Variants in MAGI2 observed in about 807,000 individuals in gnomAD.
MAGI2 encodes the protein membrane-associated guanylate kinase, WW and PDZ domain-containing protein 2.
In MAGI2, 35 loss-of-function variants were observed where a neutral mutation model predicts 133.3. The observed-to-expected ratio is 0.26, with a 90% CI of 0.20 to 0.35. The LOEUF is 0.35. Ranked by LOEUF, MAGI2 falls within the 10% of genes least tolerant of loss-of-function variation. MAGI2 has a pLI of 1.00. For missense variants in MAGI2, 1,636 were observed against 1,863.4 expected (o/e 0.88, Z 2.25); for synonymous variants, 729 against 710.6 (o/e 1.03, Z -0.41).
At chr7:78,462,443 T>C (rs371822046) in intron 6 of MAGI2, among the ~76,000 whole-genome samples, 8 of 152,198 alleles carry the variant, frequency 5.3e-5, no homozygotes, top group East Asian at 3.8e-4. Context: ...AACAGGACTT[T>C]AAAATCTAAC....
At chr7:78,940,937 T>G (rs1201670952) in intron 2 of MAGI2, 1 of 152,194 alleles carries the variant, frequency 6.6e-6, no homozygotes, top group African/African-American at 2.4e-5. Context: ...TGTGTCTTCA[T>G]TCGTACATAG....
intron 17 of MAGI2, 75 bp downstream of exon 17, chr7:78,134,946 C>A: frequency 7.4e-7 from 1 of 1,352,686 alleles, no homozygotes; most frequent in South Asian, 1.3e-5. Context: ...GCGACCCTGG[C>A]GGGCAGGCTG....
chr7:78,967,464 C>G (rs1383377085), intron 2 of MAGI2, among the ~76,000 whole-genome samples: 1 of 151,950 alleles, frequency 6.6e-6, no homozygotes, highest in Non-Finnish European at 1.5e-5. Flanking sequence ...GTCCACTTGT[C>G]TATTTTTGTT....
intron 1 of MAGI2, among the ~76,000 whole-genome samples, chr7:79,053,711 T>C (rs1236083231): frequency 6.6e-6 from 1 of 152,146 alleles, no homozygotes; most frequent in Non-Finnish European, 1.5e-5. Flanking sequence ...CAGACTTCCA[T>C]AATAATTGAA....
At chr7:79,262,121 C>T (rs1382375573) in intron 1 of MAGI2, among the ~76,000 whole-genome samples, 1 of 152,146 alleles carries the variant, frequency 6.6e-6, no homozygotes, top group Admixed American at 6.5e-5. Flanking sequence ...CTTTAAAATA[C>T]CTGTCTGTAA....
At chr7:78,328,221 TA>T (rs1179647922) in intron 9 of MAGI2, among the ~76,000 whole-genome samples, 5 of 151,654 alleles carry the variant, frequency 3.3e-5, no homozygotes, top group African/African-American at 4.8e-5. Flanking sequence ...TGCATTTTGT[TA>T]AAAAAAACCC....
chr7:78,774,138 G>T (rs780535320), intron 2 of MAGI2, among the ~76,000 whole-genome samples: 6 of 152,124 alleles, frequency 3.9e-5, no homozygotes, highest in African/African-American at 7.2e-5. Flanking sequence ...CCAATCAAAT[G>T]CAGGCCACCT....
chr7:79,375,995 T>C (rs1016374672), intron 1 of MAGI2, among the ~76,000 whole-genome samples: 3 of 151,950 alleles, frequency 2.0e-5, no homozygotes, highest in Non-Finnish European at 4.4e-5. Flanking sequence ...GATTCTTTTA[T>C]ATAGGTTAAC....
intron 1 of MAGI2, among the ~76,000 whole-genome samples, chr7:79,244,776 G>A (rs1460170323): frequency 6.6e-6 from 1 of 152,134 alleles, no homozygotes; most frequent in East Asian, 1.9e-4. Flanking sequence ...ACCAGCTGGG[G>A]TGACCAAAAG....
chr7:79,350,316 A>T (rs1029186598), intron 1 of MAGI2, among the ~76,000 whole-genome samples: 2 of 152,144 alleles, frequency 1.3e-5, no homozygotes, highest in African/African-American at 4.8e-5. Flanking sequence ...TAATGATACA[A>T]CAGTTTTTAG....
intron 10 of MAGI2, among the ~76,000 whole-genome samples, chr7:78,249,917 C>T (rs1342718684): frequency 2.6e-5 from 4 of 152,000 alleles, no homozygotes; most frequent in African/African-American, 9.7e-5. Flanking sequence ...TGATTTGATA[C>T]TTATACAGCA....
intron 20 of MAGI2, among the ~76,000 whole-genome samples, chr7:78,100,699 G>T (rs1818135206): frequency 6.6e-6 from 1 of 152,070 alleles, no homozygotes; most frequent in Non-Finnish European, 1.5e-5. Flanking sequence ...TGTTAGATGT[G>T]TGCTTGCTAT....
In MAGI2 at chr7:78,668,308, A is replaced by G. The variant is rs574139637; in HGVS notation, c.419-41069T>C. Among the ~76,000 whole-genome samples, 32 of 151,310 alleles carry G rather than the reference A, an allele frequency of 2.1e-4. No individual in the cohort carries two copies. The East Asian group carries it at 6.0e-3, about 28-fold the overall frequency. On this transcript the variant is annotated intron_variant, in intron 2 of 21. Coordinates refer to ENST00000354212, the MANE Select transcript of MAGI2 (RefSeq NM_012301.4). ...CTGGATATTAGCCCTCTGTCAGATGAGTAGGTTGTGAAAATTTTCTCCCAT... is the reference window on the plus strand; with the variant it reads ...CTGGATATTAGCCCTCTGTCAGATGGGTAGGTTGTGAAAATTTTCTCCCAT...
intron 1 of MAGI2, chr7:79,176,901 C>T (rs1453252530): frequency 1.3e-5 from 2 of 151,894 alleles, no homozygotes; most frequent in African/African-American, 4.8e-5. Context: ...CCATGTGTCC[C>T]CCTCACTCTG....
At chr7:78,219,248 T>C (rs1788568459) in intron 10 of MAGI2, among the ~76,000 whole-genome samples, 1 of 152,228 alleles carries the variant, frequency 6.6e-6, no homozygotes, top group South Asian at 2.1e-4. Flanking sequence ...GCTGTGTTTC[T>C]AAGCCTGACC....
intron 1 of MAGI2, among the ~76,000 whole-genome samples, chr7:79,335,561 A>G (rs2129094641): frequency 6.6e-6 from 1 of 152,264 alleles, no homozygotes; most frequent in East Asian, 1.9e-4. Context: ...TGGTAAATAT[A>G]TAGGAAAATA....
chr7:78,137,331 A>G (rs981227324), intron 16 of MAGI2, among the ~76,000 whole-genome samples: 1 of 152,218 alleles, frequency 6.6e-6, no homozygotes, highest in Non-Finnish European at 1.5e-5. Context: ...TTGGTATACT[A>G]ATAGCATTGA....
intron 18 of MAGI2, among the ~76,000 whole-genome samples, chr7:78,132,548 C>T (rs924387080): frequency 8.5e-5 from 13 of 152,226 alleles, no homozygotes; most frequent in African/African-American, 2.2e-4. Flanking sequence ...GCATTTCCAT[C>T]GTGCATACTG....
intron 1 of MAGI2, among the ~76,000 whole-genome samples, chr7:79,240,404 G>A (rs1273807373): frequency 6.6e-6 from 1 of 151,888 alleles, no homozygotes; most frequent in Non-Finnish European, 1.5e-5. Flanking sequence ...AAAACAATGG[G>A]AGCCTATGTC....
Sources: allele counts gnomAD v4.1 joint callset (sites outside exome capture counted in the v4.1 genomes callset), GRCh38; gene constraint gnomAD v4.1.1; transcripts MANE v1.5; gene names NCBI Gene and HGNC (gene_info 2026-07-23, HGNC 2026-07-21).